PHLPP1: variants seen among roughly 807,000 people sequenced by gnomAD.
PHLPP1 encodes the protein PH domain and leucine rich repeat protein phosphatase 1.
Under a neutral mutation model 117.2 loss-of-function variants are expected in PHLPP1, and 42 were observed. That is an observed-to-expected ratio of 0.36 (90% confidence interval 0.28 to 0.46). PHLPP1 has a LOEUF of 0.46. Ranked by LOEUF, PHLPP1 falls within the 20% of genes least tolerant of loss-of-function variation. The probability of loss-of-function intolerance (pLI) is 1.00; values close to 1 mark genes in which losing one functional copy is unlikely to be tolerated. For missense variants in PHLPP1, 2,084 were observed against 2,241.9 expected (o/e 0.93, Z 1.42); for synonymous variants, 1,042 against 970.7 (o/e 1.07, Z -1.37).
Position 62,830,057 on chromosome 18 carries a change from C to T in PHLPP1, c.1599C>T (p.Ser533=). The change falls in exon 2 of 17, where the codon AGC becomes AGT. Residue 533 remains serine (S), a synonymous_variant. Transcript: ENST00000262719. ...FYAGKPHSTG[S]SERIQLSGMY... Reference sequence around the variant, plus strand: ...CAGGAAAACCTCACAGCACGGGTAGCTCTGAACGGATTCAGCTCTCAGGAA... The same window carrying T: ...CAGGAAAACCTCACAGCACGGGTAGTTCTGAACGGATTCAGCTCTCAGGAA... The T allele has an allele frequency of 6.2e-7, 1 of 1,613,162 alleles. No individual in the cohort carries two copies. Among genetic ancestry groups the T allele is most frequent in the Non-Finnish European group, 8.5e-7 (1 of 1,179,416 alleles).
At chr18:62,831,029 A>G (rs897769745) in intron 2 of PHLPP1, among the ~76,000 whole-genome samples, 5 of 152,178 alleles carry the variant, frequency 3.3e-5, no homozygotes, top group African/African-American at 1.2e-4. Context: ...TGAATCTTAA[A>G]TGTTTCTCAT....
intron 1 of PHLPP1, among the ~76,000 whole-genome samples, chr18:62,782,811 T>G (rs1913155803): frequency 6.6e-6 from 1 of 152,208 alleles, no homozygotes; most frequent in Non-Finnish European, 1.5e-5. Flanking sequence ...AAAGATGGCA[T>G]AGCAAAAGGC....
intron 6 of PHLPP1, among the ~76,000 whole-genome samples, chr18:62,901,697 C>T (rs576181228): frequency 2.0e-5 from 3 of 150,716 alleles, no homozygotes; most frequent in South Asian, 4.2e-4. Context: ...GATCTTGGCT[C>T]ACCACAACCT....
chr18:62,883,333 G>A (rs997425683), intron 4 of PHLPP1, among the ~76,000 whole-genome samples: 4 of 152,194 alleles, frequency 2.6e-5, no homozygotes, highest in Non-Finnish European at 5.9e-5. Flanking sequence ...GTACACGGCA[G>A]GTGGTATTCA....
chr18:62,962,761 C>A (rs542770600), intron 13 of PHLPP1, among the ~76,000 whole-genome samples: 14 of 149,432 alleles, frequency 9.4e-5, no homozygotes, highest in South Asian at 2.1e-4. Flanking sequence ...TTATTAAATA[C>A]CCTTCATTTG....
chr18:62,932,938 C>T (rs1692660332), intron 10 of PHLPP1, among the ~76,000 whole-genome samples: 1 of 152,062 alleles, frequency 6.6e-6, no homozygotes, highest in Admixed American at 6.6e-5. Flanking sequence ...AATCAGCACC[C>T]GAAATCAGTA....
intron 1 of PHLPP1, among the ~76,000 whole-genome samples, chr18:62,822,265 G>GTTTTTTTTTGTTTTGTTT (rs1914481126): frequency 8.6e-6 from 1 of 116,180 alleles, no homozygotes; most frequent in African/African-American, 2.9e-5. Flanking sequence ...AGAAAATAGT[G>GTTTTTTTTTGTTTTGTTT]TTTTTTTTTT....
At chr18:62,785,041 G>C (rs1860212338) in intron 1 of PHLPP1, among the ~76,000 whole-genome samples, 1 of 152,092 alleles carries the variant, frequency 6.6e-6, no homozygotes. Flanking sequence ...CCAGATAATT[G>C]GTATGTTTTT....
At chr18:62,891,888 CAAAAAAAAA>C (rs574107579) in intron 4 of PHLPP1, among the ~76,000 whole-genome samples, 2 of 79,122 alleles carry the variant, frequency 2.5e-5, no homozygotes, top group East Asian at 8.2e-4. Context: ...GACCCTTTCT[CAAAAAAAAA>C]AAAAAAAAAA....
chr18:62,969,527 A>G (rs926841995), intron 14 of PHLPP1, among the ~76,000 whole-genome samples: 16 of 152,124 alleles, frequency 1.1e-4, no homozygotes, highest in African/African-American at 1.9e-4. Flanking sequence ...GTTGGTTGAT[A>G]TTGTTGCTCA....
intron 1 of PHLPP1, among the ~76,000 whole-genome samples, chr18:62,733,954 A>G (rs986609281): frequency 2.0e-5 from 3 of 152,104 alleles, no homozygotes; most frequent in African/African-American, 7.2e-5. Flanking sequence ...TATCACTTGA[A>G]TCGTTTTGGG....
chr18:62,723,941 G>A (rs1415317271), intron 1 of PHLPP1, among the ~76,000 whole-genome samples: 1 of 151,796 alleles, frequency 6.6e-6, no homozygotes, highest in Admixed American at 6.6e-5. Flanking sequence ...TAGAGAGCCT[G>A]TTTTTTTTGA....
chr18:62,974,299 C>G (rs1014150496), intron 15 of PHLPP1, among the ~76,000 whole-genome samples: 2 of 152,062 alleles, frequency 1.3e-5, no homozygotes, highest in Admixed American at 6.6e-5. Context: ...TCTTATTTTC[C>G]CTATCTGTTA....
intron 2 of PHLPP1, among the ~76,000 whole-genome samples, chr18:62,836,361 G>A (rs1405007819): frequency 6.6e-6 from 1 of 151,504 alleles, no homozygotes; most frequent in African/African-American, 2.4e-5. Flanking sequence ...GAACCTGGGA[G>A]GCAGAGGTTG....
chr18:62,744,999 C>T (rs1911635258), intron 1 of PHLPP1, among the ~76,000 whole-genome samples: 1 of 152,162 alleles, frequency 6.6e-6, no homozygotes, highest in South Asian at 2.1e-4. Context: ...AGCCCACAAA[C>T]TTGAAGATAG....
At chr18:62,839,803 T>A (rs904128857) in intron 3 of PHLPP1, 2 of 146,646 alleles carry the variant, frequency 1.4e-5, no homozygotes, top group African/African-American at 5.1e-5. Context: ...ATATAATATC[T>A]AGTGCTTTTG....
intron 2 of PHLPP1, among the ~76,000 whole-genome samples, chr18:62,833,176 C>T (rs891676810): frequency 5.9e-5 from 9 of 152,088 alleles, no homozygotes; most frequent in African/African-American, 1.7e-4. Context: ...CGGGTTCAAG[C>T]GATTCTCCTG....
Position 62,979,373 on chromosome 18 carries a change from A to T in PHLPP1, c.5096A>T (p.Gln1699Leu), listed in dbSNP as rs562927608. Residue 1699 changes from glutamine (Q) to leucine (L), a missense_variant, in exon 17 of 17, where the codon CAG (glutamine) becomes CTG (leucine). Coordinates refer to ENST00000262719, the MANE Select transcript of PHLPP1 (RefSeq NM_194449.4). ...QPPPPPQLQP[Q>L]LPRHYQLDQL... ...CCACCACCCCCTCAGCTCCAGCCGC[A>T]GCTGCCGCGGCACTACCAGCTGGAC... is the stretch of plus-strand genomic sequence containing the variant. 7.3e-5 allele frequency: 113 copies of T among 1,547,524 alleles called. 5 individuals are homozygous for T. In the South Asian group the frequency reaches 1.2e-3, roughly 17 times the overall value.
At position 62,716,299 on chromosome 18, in the gene PHLPP1, G is replaced by C; in HGVS notation, c.616G>C (p.Val206Leu). The change falls in exon 1 of 17, where the codon GTC becomes CTC. Residue 206 changes from valine (V) to leucine (L), a missense_variant. By Grantham distance (32) the Val-to-Leu change is conservative. Coordinates refer to ENST00000262719, the MANE Select transcript of PHLPP1 (RefSeq NM_194449.4). This position sits in a 1 kb window ranked among gnomAD's most constrained non-coding sequence, Gnocchi z 5.7. The stretch of plus-strand genomic sequence containing the variant: ...CCAGCTCCAGCGCGGCTGCGTGCAC[G>C]TCTTCGACCGCCACATGGCCTCGAC... ...RHQLQRGCVH[V>L]FDRHMASTYL... is the part of the protein sequence containing the mutation. 6.5e-7 allele frequency: 1 copy of C among 1,531,420 alleles called. No individual in the cohort carries two copies. Among genetic ancestry groups the C allele is most frequent in the East Asian group, 2.5e-5 (1 of 40,510 alleles). The allele number at this position is 1,531,420 out of a possible 1,614,324, so 94.9% of individuals were successfully genotyped here.
Sources: gnomAD v4.1 joint callset for allele counts (sites outside exome capture counted in the v4.1 genomes callset) on GRCh38, gnomAD v4.1.1 for gene constraint, Gnocchi (gnomAD v3.1) non-coding constraint, MANE v1.5 for transcripts, NCBI Gene and HGNC (gene_info 2026-07-23, HGNC 2026-07-21) for gene names.